Variants in APC observed in about 807,000 individuals in gnomAD.
The protein encoded by APC is APC regulator of Wnt signaling pathway, also known as adenomatous polyposis coli protein.
Under a neutral mutation model 247.0 loss-of-function variants are expected in APC, and 72 were observed. That is an observed-to-expected ratio of 0.29 (90% confidence interval 0.24 to 0.35). The LOEUF is 0.35. Among genes scored for constraint, APC ranks in the 10% least tolerant of loss-of-function variants. The pLI is 1.00. For missense variants in APC, 3,400 were observed against 3,360.7 expected (o/e 1.01, Z -0.29); for synonymous variants, 1,254 against 1,162.5 (o/e 1.08, Z -1.60).
chr5:112,758,157 G>A (rs1462634918), intron 2 of APC, among the ~76,000 whole-genome samples: 1 of 152,078 alleles, frequency 6.6e-6, no homozygotes, highest in African/African-American at 2.4e-5. Flanking sequence ...GTATATGTTT[G>A]AAATTTTTTG....
intron 6 of APC, among the ~76,000 whole-genome samples, chr5:112,787,117 A>G (rs1759046663): frequency 1.3e-5 from 2 of 151,856 alleles, no homozygotes; most frequent in South Asian, 2.1e-4. Flanking sequence ...CGAACTCCTG[A>G]CCTCAGGTGA....
intron 1 of APC, among the ~76,000 whole-genome samples, chr5:112,731,271 C>A (rs1373177462): frequency 6.6e-6 from 1 of 152,066 alleles, no homozygotes; most frequent in Non-Finnish European, 1.5e-5. Context: ...TAAGAATTGC[C>A]TTTGTCCATT....
intron 1 of APC, among the ~76,000 whole-genome samples, chr5:112,723,405 T>C (rs1751594644): frequency 6.6e-6 from 1 of 151,870 alleles, no homozygotes; most frequent in African/African-American, 2.4e-5. Context: ...GAGGTTGCAG[T>C]GAGCCAAGAT....
intron 1 of APC, among the ~76,000 whole-genome samples, chr5:112,724,806 G>GT (rs1161782679): frequency 3.9e-5 from 6 of 152,158 alleles, no homozygotes; most frequent in Non-Finnish European, 7.3e-5. Flanking sequence ...TGTAGCTAGA[G>GT]TAGGTGAGTG....
chr5:112,831,287 T>G (rs999994784), intron 14 of APC, among the ~76,000 whole-genome samples: 4 of 152,152 alleles, frequency 2.6e-5, no homozygotes, highest in African/African-American at 9.7e-5. Context: ...TTTTGTATTT[T>G]TAGTAGAGAC....
intron 3 of APC, among the ~76,000 whole-genome samples, chr5:112,766,635 T>C (rs1269186153): frequency 1.3e-5 from 2 of 152,200 alleles, no homozygotes; most frequent in Non-Finnish European, 2.9e-5. Flanking sequence ...TGAACTATTT[T>C]AAATCCCTCC....
At chr5:112,713,947 C>T (rs556284767) in intron 1 of APC, among the ~76,000 whole-genome samples, 15 of 152,238 alleles carry the variant, frequency 9.9e-5, no homozygotes, top group African/African-American at 2.9e-4. Flanking sequence ...CGTTAGCCAC[C>T]GTGCCGAGCC....
chr5:112,767,074 ATATTT>A, intron 3 of APC, 110 bp from the exon 4 acceptor site: 2 of 970,028 alleles, frequency 2.1e-6, no homozygotes, highest in Non-Finnish European at 3.2e-6. Flanking sequence ...TCAGTCATGT[ATATTT>A]GTGGTTAAAA....
At chr5:112,834,391 G>A (rs1180628902) in intron 14 of APC, among the ~76,000 whole-genome samples, 2 of 151,986 alleles carry the variant, frequency 1.3e-5, no homozygotes, top group East Asian at 3.9e-4. Flanking sequence ...ACAGGCACCT[G>A]CCATGAAGCC....
chr5:112,752,708 G>C (rs1181562904), intron 1 of APC, among the ~76,000 whole-genome samples: 1 of 152,154 alleles, frequency 6.6e-6, no homozygotes, highest in Non-Finnish European at 1.5e-5. Context: ...CACAAATTTT[G>C]TATGACTTCA....
rs1554083088 is a variant in APC, at chr5:112,834,941, T to C, written c.1744-10T>C. On this transcript the variant is annotated splice_polypyrimidine_tract_variant and intron_variant, in intron 14 of 15. Transcript: ENST00000257430. ...TCTAATTAGATGACCCATATTCTGTTTCTTACTAGGAATCAACCCTCAAAA... is the reference window on the plus strand; with the variant it reads ...TCTAATTAGATGACCCATATTCTGTCTCTTACTAGGAATCAACCCTCAAAA... 6.2e-7 allele frequency: 1 copy of C among 1,612,586 alleles called. No homozygotes were observed. The highest frequency in any genetic ancestry group is 8.5e-7 in the Non-Finnish European group (1 of 1,178,630).
At chr5:112,771,198 T>C (rs1454387377) in intron 4 of APC, among the ~76,000 whole-genome samples, 1 of 152,158 alleles carries the variant, frequency 6.6e-6, no homozygotes, top group African/African-American at 2.4e-5. Flanking sequence ...TTGGACTGTG[T>C]CTTTCTTATA....
Position 112,767,291 on chromosome 5 carries a change from G to A in APC, c.323G>A (p.Gly108Glu), listed in dbSNP as rs1114167456. 4 of 1,614,046 alleles carry A rather than the reference G, an allele frequency of 2.5e-6. No individual in the cohort carries two copies. Among genetic ancestry groups the A allele is most frequent in the Non-Finnish European group, 3.4e-6 (4 of 1,180,020 alleles). The change falls in exon 4 of 16, where the codon GGA becomes GAA. Residue 108 changes from glycine to glutamate, a missense_variant. This residue lies in a region of APC where 372 missense variants were observed against 367.6 expected (regional missense o/e 1.01). Transcript: ENST00000257430. ...SREGSVSSRSGECSPVPMGSF... is the reference protein window; with the variant it reads ...SREGSVSSRSEECSPVPMGSF... ...GAAGGATCTGTATCAAGCCGTTCTG[G>A]AGAGTGCAGTCCTGTTCCTATGGGT...
chr5:112,716,624 G>A (rs901366448), intron 1 of APC, among the ~76,000 whole-genome samples: 6 of 152,002 alleles, frequency 3.9e-5, no homozygotes, highest in Admixed American at 6.6e-5. Context: ...TTGCTCATCA[G>A]TTACTAAAAG....
intron 7 of APC, among the ~76,000 whole-genome samples, chr5:112,797,669 A>G (rs1760358623): frequency 6.6e-6 from 1 of 152,232 alleles, no homozygotes; most frequent in African/African-American, 2.4e-5. Flanking sequence ...AGGACAATGC[A>G]GTGTGTCTTA....
At chr5:112,737,799 C>A (rs1246251380), upstream of APC, 1 of 972,092 alleles carries the variant, frequency 1.0e-6, no homozygotes, top group African/African-American at 1.8e-5. Flanking sequence ...GGGCGCTCCC[C>A]ATTCCCGTCG....
intron 14 of APC, 117 bp downstream of exon 14, chr5:112,829,089 A>G: frequency 2.7e-6 from 2 of 737,668 alleles, no homozygotes; most frequent in East Asian, 2.6e-5. Context: ...CAGTACTATA[A>G]TATGAATTTC....
intron 14 of APC, chr5:112,829,491 G>A (rs533315939): frequency 5.5e-5 from 9 of 162,406 alleles, no homozygotes; most frequent in East Asian, 3.5e-4. Flanking sequence ...TTAGAGTACC[G>A]CAAACTCCTA....
At chr5:112,792,584 A>G in intron 7 of APC, 55 bp downstream of exon 7, 1 of 1,250,470 alleles carries the variant, frequency 8.0e-7, no homozygotes, top group African/African-American at 1.5e-5. Flanking sequence ...TTATTCTGAG[A>G]AAAGAAAACA....
Sources: allele counts gnomAD v4.1 joint callset (sites outside exome capture counted in the v4.1 genomes callset), GRCh38; gene constraint gnomAD v4.1.1; regional missense constraint gnomAD v4.1.1; transcripts MANE v1.5; gene names NCBI Gene and HGNC (gene_info 2026-07-23, HGNC 2026-07-21).